Variants in PTGFR observed in about 807,000 individuals in gnomAD.
PTGFR encodes the protein prostaglandin F2-alpha receptor.
Under a neutral mutation model 26.2 loss-of-function variants are expected in PTGFR, and 15 were observed. That is an observed-to-expected ratio of 0.57 (90% CI 0.38 to 0.88). The LOEUF is 0.88. PTGFR is among the 40% of genes least tolerant of loss of function. The pLI is 0.00. For missense variants in PTGFR, 369 were observed against 427.2 expected (o/e 0.86, Z 1.20); for synonymous variants, 165 against 151.1 (o/e 1.09, Z -0.68).
chr1:78,527,874 T>A (rs1228186270), intron 2 of PTGFR, among the ~76,000 whole-genome samples: 1 of 152,162 alleles, frequency 6.6e-6, no homozygotes, highest in African/African-American at 2.4e-5. Flanking sequence ...ATATTGAGCA[T>A]GACACTGGGA....
At chr1:78,491,733 G>C (rs890955912) in intron 1 of PTGFR, among the ~76,000 whole-genome samples, 2 of 152,210 alleles carry the variant, frequency 1.3e-5, no homozygotes, top group African/African-American at 2.4e-5. Context: ...GACCGTCCTG[G>C]GGGTAGCCTA....
At chr1:78,525,953 C>T (rs1650361360) in intron 2 of PTGFR, among the ~76,000 whole-genome samples, 1 of 151,936 alleles carries the variant, frequency 6.6e-6, no homozygotes, top group Admixed American at 6.6e-5. Flanking sequence ...GAAACTGTTC[C>T]AATTGGAAGT....
chr1:78,498,149 A>G (rs981867022), intron 2 of PTGFR, among the ~76,000 whole-genome samples: 20 of 152,224 alleles, frequency 1.3e-4, no homozygotes, highest in Middle Eastern at 3.2e-3. Flanking sequence ...ATAATGACCA[A>G]GTCTTAAAGG....
At chr1:78,535,893 G>A (rs1650637896) in intron 2 of PTGFR, among the ~76,000 whole-genome samples, 1 of 152,130 alleles carries the variant, frequency 6.6e-6, no homozygotes, top group Non-Finnish European at 1.5e-5. Context: ...GATGTAGAAA[G>A]GGAAATAGAA....
intron 2 of PTGFR, among the ~76,000 whole-genome samples, chr1:78,505,989 C>T (rs1649819409): frequency 6.6e-6 from 1 of 152,122 alleles, no homozygotes; most frequent in Admixed American, 6.6e-5. Context: ...AATAATAATG[C>T]TACTATGAAC....
chr1:78,491,670 G>T (rs568147581), intron 1 of PTGFR, among the ~76,000 whole-genome samples: 53 of 152,280 alleles, frequency 3.5e-4, no homozygotes, highest in African/African-American at 1.3e-3. Flanking sequence ...GCCGAAGGGC[G>T]GGGGGGATAG....
At chr1:78,509,204 T>C (rs552630812) in intron 2 of PTGFR, among the ~76,000 whole-genome samples, 2 of 152,284 alleles carry the variant, frequency 1.3e-5, no homozygotes, top group Non-Finnish European at 2.9e-5. Context: ...TGGAAGGGTA[T>C]AGCTAAATTT....
chr1:78,529,857 A>G (rs1488643858), intron 2 of PTGFR, among the ~76,000 whole-genome samples: 1 of 152,176 alleles, frequency 6.6e-6, no homozygotes, highest in African/African-American at 2.4e-5. Flanking sequence ...CAGTGGCGGC[A>G]TTAGATTCTC....
chr1:78,497,974 G>A (rs200761932), intron 2 of PTGFR: 3 of 1,488,148 alleles, frequency 2.0e-6, no homozygotes, highest in South Asian at 1.2e-5. Flanking sequence ...GTGTTCTCTT[G>A]CAAATGTAGA....
chr1:78,516,129 AC>A (rs1346457761), intron 2 of PTGFR, among the ~76,000 whole-genome samples: 1 of 152,172 alleles, frequency 6.6e-6, no homozygotes, highest in Non-Finnish European at 1.5e-5. Flanking sequence ...AAAAAACCAC[AC>A]GCACAACTCC....
Position 78,536,461 on chromosome 1 carries a change from C to T in PTGFR, c.854C>T (p.Thr285Ile). 2 of 1,613,114 alleles carry T rather than the reference C, an allele frequency of 1.2e-6. No homozygotes were observed. The highest frequency in any genetic ancestry group is 2.2e-5 in the South Asian group (2 of 91,018). ...NGNHSLETCETTLFALRMATW... is the reference protein window; with the variant it reads ...NGNHSLETCEITLFALRMATW... ...AATCATTCTCTGGAAACCTGTGAAA[C>T]AACACTTTTTGCTCTCCGAATGGCA... is the stretch of plus-strand genomic sequence containing the variant. Residue 285 changes from threonine to isoleucine, a missense_variant, in exon 3 of 3, where the codon ACA becomes ATA. Coordinates refer to ENST00000370757, the MANE Select transcript of PTGFR (RefSeq NM_000959.4).
intron 2 of PTGFR, among the ~76,000 whole-genome samples, chr1:78,502,170 A>T (rs1649722052): frequency 1.3e-5 from 2 of 152,270 alleles, no homozygotes; most frequent in South Asian, 4.1e-4. Context: ...TAACCTCCTA[A>T]ATATTCTGAT....
Position 78,493,340 on chromosome 1 carries a change from A to G in PTGFR, c.597A>G (p.Arg199=). 2 of 1,613,968 alleles carry G rather than the reference A, an allele frequency of 1.2e-6. No individual in the cohort carries two copies. The highest frequency in any genetic ancestry group is 8.5e-7 in the Non-Finnish European group (1 of 1,179,982). ...NTEDIKDWED[R]FYLLLFSFLG... is the part of the protein sequence containing the mutation. ...AAGACATCAAAGACTGGGAAGATAG[A>G]TTTTATCTTCTACTTTTTTCTTTTC... The change falls in exon 2 of 3, where the codon AGA becomes AGG. Residue 199 remains arginine (R), a synonymous_variant. Coordinates refer to ENST00000370757, the MANE Select transcript of PTGFR (RefSeq NM_000959.4).
Position 78,536,258 on chromosome 1 carries a change from T to C in PTGFR, c.799-148T>C. Reference sequence around the variant, plus strand: ...CATTTGTCTCCATCAGTGTTTCTGCTATCATTGATTTCTTTCTGTCAGTAT... The same window carrying C: ...CATTTGTCTCCATCAGTGTTTCTGCCATCATTGATTTCTTTCTGTCAGTAT... On this transcript the variant is annotated intron_variant, in intron 2 of 2. Coordinates refer to ENST00000370757, the MANE Select transcript of PTGFR (RefSeq NM_000959.4). The C allele has an allele frequency of 4.1e-6, 3 of 734,658 alleles. No individual in the cohort carries two copies. The South Asian group carries it at 5.9e-5, about 14-fold the overall frequency. 45.5% of individuals were successfully genotyped at this position (734,658 alleles called of 1,614,324 possible).
intron 2 of PTGFR, among the ~76,000 whole-genome samples, chr1:78,523,050 A>T (rs918378401): frequency 6.6e-6 from 1 of 152,132 alleles, no homozygotes; most frequent in Non-Finnish European, 1.5e-5. Flanking sequence ...AAGCATTCCT[A>T]GGTGACATCA....
At chr1:78,528,759 T>A (rs1272349209) in intron 2 of PTGFR, among the ~76,000 whole-genome samples, 1 of 152,004 alleles carries the variant, frequency 6.6e-6, no homozygotes, top group East Asian at 1.9e-4. Context: ...AAGAGATAGG[T>A]CCCAAAACAG....
chr1:78,532,504 GTGTGTGTATA>G (rs1346504632), intron 2 of PTGFR, among the ~76,000 whole-genome samples: 1 of 98,190 alleles, frequency 1.0e-5, no homozygotes, highest in Non-Finnish European at 2.0e-5. Flanking sequence ...GTATATATTT[GTGTGTGTATA>G]TGTGTATATA....
intron 2 of PTGFR, among the ~76,000 whole-genome samples, chr1:78,506,168 A>G: frequency 6.6e-6 from 1 of 152,096 alleles, no homozygotes; most frequent in South Asian, 2.1e-4. Context: ...GAGTGTCCCA[A>G]TTATTCCACA....
In PTGFR at chr1:78,540,311, A is replaced by G. The variant is rs946773928; in HGVS notation, c.*3624A>G. ...CCAGGGGGCAGCTAAGTGCAATACT[A>G]TATGTTAGGAAAACGGAAACTAATT... On this transcript the variant is annotated 3_prime_UTR_variant, in exon 3 of 3. Transcript: ENST00000370757. 1.6e-4 allele frequency among the ~76,000 whole-genome samples: 25 copies of G among 152,304 alleles called. No individual in the cohort carries two copies. The highest frequency in any genetic ancestry group is 5.3e-4 in the African/African-American group (22 of 41,580).
Sources: gnomAD v4.1 joint callset for allele counts (sites outside exome capture counted in the v4.1 genomes callset) on GRCh38, gnomAD v4.1.1 for gene constraint, MANE v1.5 for transcripts, NCBI Gene and HGNC (gene_info 2026-07-23, HGNC 2026-07-21) for gene names.